UBE2V2: variants seen among roughly 807,000 people sequenced by gnomAD.
UBE2V2 encodes the protein ubiquitin conjugating enzyme E2 V2.
A neutral mutation model predicts 17.2 loss-of-function variants in UBE2V2; 9 were observed. That is an observed-to-expected ratio of 0.52 (90% CI 0.32 to 0.91). The LOEUF (loss-of-function observed/expected upper bound fraction) is 0.91, where lower values mean the gene tolerates loss of function less well. Among genes scored for constraint, UBE2V2 ranks in the 40% least tolerant of loss-of-function variants. The probability of loss-of-function intolerance (pLI) is 0.04; values close to 1 mark genes in which losing one functional copy is unlikely to be tolerated. For synonymous variants in UBE2V2, 61 were observed against 57.5 expected, an observed-to-expected ratio of 1.06 and a Z score of -0.28; for missense variants, 133 against 182.6, an observed-to-expected ratio of 0.73 and a Z score of 1.56.
chr8:48,014,916 G>A (rs2091258300), intron 1 of UBE2V2, among the ~76,000 whole-genome samples: 1 of 151,672 alleles, frequency 6.6e-6, no homozygotes, highest in East Asian at 2.0e-4. Context: ...CGGGCGTGGT[G>A]ACAGGCACCT....
intron 1 of UBE2V2, among the ~76,000 whole-genome samples, chr8:48,024,527 G>A (rs966276505): frequency 3.9e-5 from 6 of 151,980 alleles, no homozygotes; most frequent in Non-Finnish European, 8.8e-5. Flanking sequence ...CCTGGGAGAT[G>A]GAGGTTGTGG....
In UBE2V2 at chr8:48,064,648, T is replaced by C. The variant is rs866567663; in HGVS notation, c.*3820T>C. ...AAATTAATGAAGGTATTTAATGATATAGGAAATAAGTGACAAGTTAAAGTC... is the reference window on the plus strand; with the variant it reads ...AAATTAATGAAGGTATTTAATGATACAGGAAATAAGTGACAAGTTAAAGTC... On this transcript the variant is annotated 3_prime_UTR_variant, in exon 4 of 4. Transcript: ENST00000523111. The C allele has an allele frequency of 1.3e-5, 2 of 152,000 alleles. No individual in the cohort carries two copies. The highest frequency in any genetic ancestry group is 6.6e-5 in the Admixed American group (1 of 15,246). 9.4% of individuals were successfully genotyped at this position (152,000 alleles called of 1,614,324 possible).
intron 1 of UBE2V2, among the ~76,000 whole-genome samples, chr8:48,022,256 G>A (rs1415262021): frequency 6.6e-6 from 1 of 151,552 alleles, no homozygotes; most frequent in Non-Finnish European, 1.5e-5. Flanking sequence ...TCCTGCCTCA[G>A]CCTCCTGAGT....
intron 1 of UBE2V2, among the ~76,000 whole-genome samples, chr8:48,013,423 T>C (rs892382072): frequency 1.3e-5 from 2 of 152,020 alleles, no homozygotes; most frequent in African/African-American, 4.8e-5. Context: ...TTCTGTGGCC[T>C]CAGCCTCCGA....
At chr8:47,999,002 T>C in the UBE2V2 span, among the ~76,000 whole-genome samples, 24 of 152,240 alleles carry the variant, frequency 1.6e-4, 2 homozygotes, top group African/African-American at 5.3e-4. Context: ...CAGGAGGGTG[T>C]AGGTAAAGTT....
upstream of UBE2V2, among the ~76,000 whole-genome samples, chr8:48,003,893 G>A (rs747678018): frequency 4.6e-5 from 7 of 152,152 alleles, no homozygotes; most frequent in Admixed American, 3.9e-4. Flanking sequence ...CCTGAGAGGC[G>A]GCTTGGCTGA....
chr8:48,002,900 A>G, the UBE2V2 span, among the ~76,000 whole-genome samples: 1 of 152,104 alleles, frequency 6.6e-6, no homozygotes, highest in East Asian at 1.9e-4. Flanking sequence ...ATTTCAAAAT[A>G]TCATGTCGTT....
Position 48,062,043 on chromosome 8 carries a change from CT to C in UBE2V2, c.*1216del, listed in dbSNP as rs1280724116. 6.6e-6 allele frequency: 1 copy of C among 152,144 alleles called. No individual in the cohort carries two copies. The highest frequency in any genetic ancestry group is 1.5e-5 in the Non-Finnish European group (1 of 68,028). 9.4% of individuals were successfully genotyped at this position (152,144 alleles called of 1,614,324 possible). A position where few individuals can be genotyped will look rare whatever the true frequency, so the allele number is the denominator to read the frequency against. The stretch of plus-strand genomic sequence containing the variant: ...TTCTCTACTCTAACAAATATGAACT[CT>C]GAAGTTGAAAAGTCATTTATGTTCC... On this transcript the variant is annotated 3_prime_UTR_variant, in exon 4 of 4. Coordinates refer to ENST00000523111, the MANE Select transcript of UBE2V2 (RefSeq NM_003350.3).
upstream of UBE2V2, among the ~76,000 whole-genome samples, chr8:48,007,214 C>G (rs1343800057): frequency 6.6e-6 from 1 of 152,070 alleles, no homozygotes; most frequent in Non-Finnish European, 1.5e-5. Flanking sequence ...CAAAGATGCC[C>G]TCTCTCACCA....
At chr8:48,013,249 T>C (rs2091245926) in intron 1 of UBE2V2, among the ~76,000 whole-genome samples, 1 of 152,140 alleles carries the variant, frequency 6.6e-6, no homozygotes, top group Non-Finnish European at 1.5e-5. Flanking sequence ...AGTTTTTCTT[T>C]AATGTACTTT....
intron 1 of UBE2V2, chr8:48,042,614 A>T (rs1464699553): frequency 6.6e-6 from 1 of 151,612 alleles, no homozygotes; most frequent in Non-Finnish European, 1.5e-5. Context: ...ACTTTCTAAG[A>T]TGGAACATAA....
intron 1 of UBE2V2, 50 bp from the exon 2 acceptor site, chr8:48,042,983 C>G: frequency 7.3e-7 from 1 of 1,370,920 alleles, no homozygotes; most frequent in Non-Finnish European, 9.5e-7. Flanking sequence ...ATACGTGTAG[C>G]TCTTATAATT....
At chr8:47,999,362 CTTT>C in the UBE2V2 span, among the ~76,000 whole-genome samples, 1 of 145,336 alleles carries the variant, frequency 6.9e-6, no homozygotes, top group Non-Finnish European at 1.5e-5. Flanking sequence ...TAGACTTCCC[CTTT>C]TTTTTTTTTT....
intron 1 of UBE2V2, among the ~76,000 whole-genome samples, chr8:48,041,170 G>GT (rs1458120875): frequency 6.3e-5 from 8 of 126,880 alleles, no homozygotes; most frequent in Non-Finnish European, 1.1e-4. Context: ...GGCCTTTTTT[G>GT]TTGTTTTTTT....
intron 3 of UBE2V2, among the ~76,000 whole-genome samples, chr8:48,055,754 T>C (rs2091567560): frequency 7.4e-6 from 1 of 134,438 alleles, no homozygotes; most frequent in African/African-American, 2.8e-5. Context: ...CAACCATTAA[T>C]CCACTTTCTG....
chr8:48,016,082 A>G (rs969574858), intron 1 of UBE2V2, among the ~76,000 whole-genome samples: 12 of 151,970 alleles, frequency 7.9e-5, no homozygotes, highest in African/African-American at 2.4e-4. Flanking sequence ...ATTTTAGTAG[A>G]GATGGGGTTT....
chr8:48,024,551 C>T (rs1363346007), intron 1 of UBE2V2, among the ~76,000 whole-genome samples: 7 of 151,572 alleles, frequency 4.6e-5, no homozygotes, highest in East Asian at 1.9e-4. Flanking sequence ...GCCGAGATCG[C>T]GCCATTGCAC....
intron 1 of UBE2V2, among the ~76,000 whole-genome samples, chr8:48,027,702 G>A (rs565007939): frequency 6.6e-6 from 1 of 152,128 alleles, no homozygotes; most frequent in African/African-American, 2.4e-5. Context: ...GTTTCACCAT[G>A]TTGCCCAGGG....
chr8:48,018,623 A>G (rs1314058486), intron 1 of UBE2V2, among the ~76,000 whole-genome samples: 2 of 152,190 alleles, frequency 1.3e-5, no homozygotes, highest in South Asian at 2.1e-4. Context: ...ATAATGTATT[A>G]TGCCACTGTT....
Sources: gnomAD v4.1 joint callset for allele counts (sites outside exome capture counted in the v4.1 genomes callset) on GRCh38, gnomAD v4.1.1 for gene constraint, MANE v1.5 for transcripts, NCBI Gene and HGNC (gene_info 2026-07-23, HGNC 2026-07-21) for gene names.